IMMP2L: variants seen among roughly 807,000 people sequenced by gnomAD.
IMMP2L encodes the protein inner mitochondrial membrane peptidase subunit 2, also known as mitochondrial inner membrane protease subunit 2.
A neutral mutation model predicts 19.3 loss-of-function variants in IMMP2L; 18 were observed. That is an observed-to-expected ratio of 0.93 (90% CI 0.64 to 1.38). The LOEUF (loss-of-function observed/expected upper bound fraction) is 1.38. IMMP2L is among the 40% of genes most tolerant of loss of function. The probability of loss-of-function intolerance (pLI) is 0.00; values close to 1 mark genes in which losing one functional copy is unlikely to be tolerated. For missense variants in IMMP2L, 233 were observed against 218.2 expected (o/e 1.07, Z -0.43); for synonymous variants, 76 against 73.0 (o/e 1.04, Z -0.21).
chr7:111,110,074 G>A (rs1156712895), intron 3 of IMMP2L, among the ~76,000 whole-genome samples: 2 of 152,164 alleles, frequency 1.3e-5, no homozygotes, highest in African/African-American at 4.8e-5. Context: ...GGTGGAGGTT[G>A]CAGTAAGCTG....
intron 5 of IMMP2L, among the ~76,000 whole-genome samples, chr7:110,730,759 TCG>T (rs1433177860): frequency 2.0e-5 from 3 of 152,090 alleles, no homozygotes; most frequent in African/African-American, 2.4e-5. Context: ...TCTCCTGACC[TCG>T]TGATCCACCC....
chr7:111,291,744 A>G (rs1332486049), intron 3 of IMMP2L, among the ~76,000 whole-genome samples: 1 of 152,176 alleles, frequency 6.6e-6, no homozygotes, highest in African/African-American at 2.4e-5. Context: ...CTAAAAAGGT[A>G]GATTTCAAAT....
intron 1 of IMMP2L, among the ~76,000 whole-genome samples, chr7:111,532,832 T>G (rs920099923): frequency 6.6e-6 from 1 of 152,112 alleles, no homozygotes; most frequent in African/African-American, 2.4e-5. Flanking sequence ...CCACAGCCCA[T>G]GTATGGCAGC....
At chr7:111,452,347 G>A (rs1839283476) in intron 3 of IMMP2L, among the ~76,000 whole-genome samples, 1 of 152,064 alleles carries the variant, frequency 6.6e-6, no homozygotes, top group African/African-American at 2.4e-5. Flanking sequence ...CTGGTCTTTT[G>A]AAAAGTAGAT....
intron 5 of IMMP2L, among the ~76,000 whole-genome samples, chr7:110,799,586 T>C (rs115841440): frequency 6.6e-6 from 1 of 152,166 alleles, no homozygotes; most frequent in African/African-American, 2.4e-5. Context: ...GCCCAAATAC[T>C]TTAGTAAAGG....
At chr7:111,111,828 A>G (rs999797700) in intron 3 of IMMP2L, among the ~76,000 whole-genome samples, 5 of 151,696 alleles carry the variant, frequency 3.3e-5, no homozygotes, top group African/African-American at 9.7e-5. Context: ...CGACAAAAGG[A>G]GACCTTGTCT....
intron 5 of IMMP2L, among the ~76,000 whole-genome samples, chr7:110,814,347 T>C (rs759527685): frequency 4.0e-5 from 6 of 151,698 alleles, no homozygotes; most frequent in African/African-American, 1.5e-4. Flanking sequence ...AATTTTATTA[T>C]GACTAAACAA....
At chr7:111,479,456 A>G (rs1020905317) in intron 3 of IMMP2L, among the ~76,000 whole-genome samples, 6 of 152,142 alleles carry the variant, frequency 3.9e-5, no homozygotes, top group Non-Finnish European at 8.8e-5. Context: ...GTATGCCTCT[A>G]TATCTTATTA....
intron 3 of IMMP2L, among the ~76,000 whole-genome samples, chr7:110,982,745 G>A (rs918584028): frequency 6.6e-6 from 1 of 152,068 alleles, no homozygotes; most frequent in Non-Finnish European, 1.5e-5. Context: ...TTGATTATCA[G>A]AAACTAAATA....
intron 3 of IMMP2L, among the ~76,000 whole-genome samples, chr7:111,281,814 G>C (rs555428055): frequency 6.6e-6 from 1 of 152,292 alleles, no homozygotes; most frequent in African/African-American, 2.4e-5. Context: ...AGATCAGTCA[G>C]AGCAGTAAAC....
At chr7:110,939,463 GA>G (rs1816498519) in intron 4 of IMMP2L, among the ~76,000 whole-genome samples, 1 of 149,010 alleles carries the variant, frequency 6.7e-6, no homozygotes, top group Admixed American at 6.7e-5. Flanking sequence ...AAAGTAATAA[GA>G]TTTTTTGTGC....
chr7:111,208,632 G>C (rs192877691), intron 3 of IMMP2L, among the ~76,000 whole-genome samples: 4 of 152,212 alleles, frequency 2.6e-5, no homozygotes, highest in African/African-American at 9.6e-5. Flanking sequence ...TAAAACAAAT[G>C]AAAACAAATA....
At chr7:110,833,930 T>A (rs17158017) in intron 5 of IMMP2L, among the ~76,000 whole-genome samples, 27,625 of 152,136 alleles carry the variant, frequency 0.18, 2,719 homozygotes, top group African/African-American at 0.25. Context: ...CATGAAGGCC[T>A]CTGAGATGAA....
At chr7:111,396,891 T>C (rs1189115363) in intron 3 of IMMP2L, among the ~76,000 whole-genome samples, 1 of 151,982 alleles carries the variant, frequency 6.6e-6, no homozygotes, top group Non-Finnish European at 1.5e-5. Context: ...GAGACCATCC[T>C]GGCTAACACG....
intron 3 of IMMP2L, among the ~76,000 whole-genome samples, chr7:111,379,546 T>TA (rs1018932335): frequency 2.0e-5 from 3 of 151,650 alleles, no homozygotes; most frequent in African/African-American, 7.3e-5. Context: ...AGCCAAAGAA[T>TA]AATCATAATT....
chr7:111,208,452 ATACT>A (rs1465229310), intron 3 of IMMP2L, among the ~76,000 whole-genome samples: 1 of 152,196 alleles, frequency 6.6e-6, no homozygotes, highest in Non-Finnish European at 1.5e-5. Context: ...TACCACACTG[ATACT>A]TACTCATTTA....
intron 3 of IMMP2L, among the ~76,000 whole-genome samples, chr7:111,311,169 A>C (rs983662564): frequency 2.0e-5 from 3 of 152,126 alleles, no homozygotes; most frequent in African/African-American, 7.2e-5. Context: ...CAAGCTACAG[A>C]GGATATCTAG....
chr7:110,750,779 C>T (rs185216710), intron 5 of IMMP2L, among the ~76,000 whole-genome samples: 29 of 152,004 alleles, frequency 1.9e-4, no homozygotes, highest in African/African-American at 5.3e-4. Context: ...CAAGGCCGGA[C>T]GAGGGTGAAA....
chr7:110,734,309 T>C (rs1274562626), intron 5 of IMMP2L, among the ~76,000 whole-genome samples: 2 of 152,148 alleles, frequency 1.3e-5, no homozygotes, highest in African/African-American at 4.8e-5. Context: ...GAGAAACAAC[T>C]TATTGGAAAC....
Sources: allele counts gnomAD v4.1 joint callset (sites outside exome capture counted in the v4.1 genomes callset), GRCh38; gene constraint gnomAD v4.1.1; transcripts MANE v1.5; gene names NCBI Gene and HGNC (gene_info 2026-07-23, HGNC 2026-07-21).